INSRR: variants seen among roughly 807,000 people sequenced by gnomAD.
INSRR encodes insulin receptor related receptor, also known as insulin receptor-related protein.
INSRR carries 114 observed loss-of-function variants against 130.0 expected under a neutral mutation model. That is an observed-to-expected ratio of 0.88 (90% confidence interval 0.75 to 1.02). The LOEUF is 1.02. Ranked by LOEUF, INSRR falls within the 50% of genes least tolerant of loss-of-function variation. INSRR has a pLI of 0.00. For missense variants in INSRR, 1,657 were observed against 1,735.2 expected, an observed-to-expected ratio of 0.95 and a Z score of 0.80; for synonymous variants, 674 against 705.2, an observed-to-expected ratio of 0.96 and a Z score of 0.70.
Position 156,840,955 on chromosome 1 carries a change from G to A in INSRR, c.3812C>T (p.Ser1271Phe), listed in dbSNP as rs374155767. ...YSPECRGARGSLPTTDAEPDS... is the reference protein window; with the variant it reads ...YSPECRGARGFLPTTDAEPDS... ...AGGCTCTGCATCGGTGGTAGGCAGG[G>A]AGCCCCGGGCCCCCCGGCATTCCGG... is the stretch of plus-strand genomic sequence containing the variant. Residue 1271 changes from serine to phenylalanine, a missense_variant, in exon 22 of 22, where the codon TCC becomes TTC. Coordinates refer to ENST00000368195, the MANE Select transcript of INSRR (RefSeq NM_014215.3). 4 of 1,614,020 alleles carry A rather than the reference G, an allele frequency of 2.5e-6. No individual in the cohort carries two copies. In the Admixed American group the frequency reaches 6.7e-5, roughly 27 times the overall value.
rs762149048 is a variant in INSRR, at chr1:156,846,518, C to A, written c.1810+1G>T. On this transcript the variant is annotated splice_donor_variant, in intron 8 of 21. Coordinates refer to ENST00000368195, the MANE Select transcript of INSRR (RefSeq NM_014215.3). LOFTEE classifies it high-confidence loss of function. Reference sequence around the variant, plus strand: ...GACTCTTGCACCCTCCAAATGCCTACCTGCAGGCAGCGTTCGGAGGTAGAC... The same window carrying A: ...GACTCTTGCACCCTCCAAATGCCTAACTGCAGGCAGCGTTCGGAGGTAGAC... 6.2e-7 allele frequency: 1 copy of A among 1,612,516 alleles called. No individual in the cohort carries two copies. Among genetic ancestry groups the A allele is most frequent in the African/African-American group, 1.3e-5 (1 of 74,910 alleles).
intron 12 of INSRR, 59 bp downstream of exon 12, chr1:156,845,017 T>G: frequency 6.4e-7 from 1 of 1,553,360 alleles, no homozygotes. Context: ...CCCCAAACCT[T>G]TGCACAGGGT....
Position 156,845,830 on chromosome 1 carries a change from G to T in INSRR, c.1979-16C>A. 1 of 1,610,332 alleles carries T rather than the reference G, an allele frequency of 6.2e-7. No individual in the cohort carries two copies. Among genetic ancestry groups the T allele is most frequent in the Non-Finnish European group, 8.5e-7 (1 of 1,179,016 alleles). ...AGCCGCAAGCCTGGCGCCGCAGCGGGAAGACACTAGTAAGACAGGCGGTCT... is the reference window on the plus strand; with the variant it reads ...AGCCGCAAGCCTGGCGCCGCAGCGGTAAGACACTAGTAAGACAGGCGGTCT... On this transcript the variant is annotated splice_polypyrimidine_tract_variant and intron_variant, in intron 9 of 21. Transcript: ENST00000368195.
intron 9 of INSRR, 57 bp downstream of exon 9, chr1:156,845,895 C>G: frequency 6.3e-7 from 1 of 1,598,718 alleles, no homozygotes; most frequent in Non-Finnish European, 8.5e-7. Flanking sequence ...GGCCCTGCGC[C>G]TCCATCTCCC....
rs1654762860 is a variant in INSRR, at chr1:156,841,091, T to G, written c.3676A>C (p.Ser1226Arg). Residue 1226 changes from serine (S) to arginine (R), a missense_variant, in exon 22 of 22, where the codon AGC becomes CGC. Physicochemically the swap from Ser to Arg is moderately radical, Grantham distance 110 (BLOSUM62 -1). Coordinates refer to ENST00000368195, the MANE Select transcript of INSRR (RefSeq NM_014215.3). ...GCPLQLQELM[S>R]RCWQPNPRLR... ...CGTGGGTTCGGCTGCCAGCAGCGGC[T>G]CATCAGCTCCTGCCTGGTGGGTGTG... 6.4e-7 allele frequency: 1 copy of G among 1,561,872 alleles called. No homozygotes were observed. Among genetic ancestry groups the G allele is most frequent in the Non-Finnish European group, 8.7e-7 (1 of 1,152,872 alleles).
At chr1:156,849,513 G>GGGGGGGGGGC in intron 5 of INSRR, 53 bp from the exon 6 acceptor site, 3 of 486,116 alleles carry the variant, frequency 6.2e-6, no homozygotes, top group Admixed American at 2.2e-5. Flanking sequence ...CAGGGGGTGG[G>GGGGGGGGGGC]AAAGGGGATG....
In INSRR at chr1:156,841,420, C is replaced by T; in HGVS notation, c.3636G>A (p.Glu1212=). 1 of 1,613,938 alleles carries T rather than the reference C, an allele frequency of 6.2e-7. No individual in the cohort carries two copies. Among genetic ancestry groups the T allele is most frequent in the Non-Finnish European group, 8.5e-7 (1 of 1,179,918 alleles). Residue 1212 remains glutamate (E), a synonymous_variant, in exon 21 of 22, where the codon GAG becomes GAA. Coordinates refer to ENST00000368195, the MANE Select transcript of INSRR (RefSeq NM_014215.3). ...GCTGAAGGGGACAGCCCTCCAGCTC[C>T]TCCAGGACCCCGCCATCCATGACGA... ...LKFVMDGGVL[E]ELEGCPLQLQ...
rs778760327 is a variant in INSRR at position 156,854,110 on chromosome 1, G to T, written c.279C>A (p.Ser93Arg). 1.2e-6 allele frequency: 2 copies of T among 1,614,132 alleles called. No individual in the cohort carries two copies. The highest frequency in any genetic ancestry group is 4.5e-5 in the East Asian group (2 of 44,886). ...LLLFRVYGLE[S>R]LRDLFPNLAV... ...CTAGGTTGGGGAAGAGGTCGCGCAG[G>T]CTCTCCAGTCCGTAGACACGGAAGA... Residue 93 changes from serine (S) to arginine (R), a missense_variant, in exon 2 of 22, where the codon AGC becomes AGA. Ser to Arg is a moderately radical substitution (Grantham distance 110). Coordinates refer to ENST00000368195, the MANE Select transcript of INSRR (RefSeq NM_014215.3). The surrounding 1 kb of genome is among the most constrained non-coding windows in gnomAD (Gnocchi z 4.2).
chr1:156,841,734 A>T lies in INSRR; in HGVS notation c.3458T>A (p.Leu1153Gln). The T allele has an allele frequency of 6.2e-7, 1 of 1,614,170 alleles. No individual in the cohort carries two copies. The highest frequency in any genetic ancestry group is 1.1e-5 in the South Asian group (1 of 91,080). The change falls in exon 20 of 22, where the codon CTG becomes CAG. Residue 1153 changes from leucine (L) to glutamine (Q), a missense_variant. Transcript: ENST00000368195. ...GGGGGCCATCCAGCGCACGGGCAGC[A>T]GCCCCTTCCCACCCTTGCGGTAATA... is the stretch of plus-strand genomic sequence containing the variant. The part of the protein sequence containing the change: ...TDYYRKGGKG[L>Q]LPVRWMAPES...
Position 156,840,822 on chromosome 1 carries a change from G to A in INSRR, c.*51C>T, listed in dbSNP as rs192806798. 397 of 1,398,446 alleles carry A rather than the reference G, an allele frequency of 2.8e-4. No homozygotes were observed. Among genetic ancestry groups the A allele is most frequent in the East Asian group, 2.4e-3 (104 of 42,746 alleles). 86.6% of individuals were successfully genotyped at this position (1,398,446 alleles called of 1,614,324 possible). A position where few individuals can be genotyped will look rare whatever the true frequency, so the allele number is the denominator to read the frequency against. ...TTCAGGCGTCTCAGCCACAGAGGTC[G>A]GGTCCCTTCCTGTCTCCCCATGGGA... On this transcript the variant is annotated 3_prime_UTR_variant, in exon 22 of 22. Coordinates refer to ENST00000368195, the MANE Select transcript of INSRR (RefSeq NM_014215.3).
At chr1:156,842,741 A>G (rs1470817836) in intron 17 of INSRR, among the ~76,000 whole-genome samples, 1 of 152,130 alleles carries the variant, frequency 6.6e-6, no homozygotes, top group African/African-American at 2.4e-5. Flanking sequence ...CTTGAGCCCA[A>G]TCAGGACTCT....
chr1:156,855,603 G>A (rs1271470662), intron 1 of INSRR, among the ~76,000 whole-genome samples: 1 of 152,084 alleles, frequency 6.6e-6, no homozygotes, highest in Non-Finnish European at 1.5e-5. Context: ...TGGGAAGATT[G>A]CTTGAGCCTA....
chr1:156,843,587 C>G, intron 15 of INSRR, 108 bp from the exon 16 acceptor site: 1 of 1,160,502 alleles, frequency 8.6e-7, no homozygotes, highest in Non-Finnish European at 1.3e-6. Context: ...TTACTGACCA[C>G]ACCCCCAGCC....
At chr1:156,849,553 C>T (rs1571666796) in intron 5 of INSRR, 93 bp from the exon 6 acceptor site, 2 of 962,922 alleles carry the variant, frequency 2.1e-6, no homozygotes, top group East Asian at 5.2e-5. Flanking sequence ...AAGGGTTTTG[C>T]TGGGCCCGGG....
chr1:156,855,573 A>C (rs1168600855), intron 1 of INSRR, among the ~76,000 whole-genome samples: 1 of 152,002 alleles, frequency 6.6e-6, no homozygotes, highest in Non-Finnish European at 1.5e-5. Flanking sequence ...CTGTAATTCC[A>C]GCACTTTGGG....
Position 156,853,737 on chromosome 1 carries a change from T to C in INSRR, c.637+15A>G. On this transcript the variant is annotated intron_variant, in intron 2 of 21. Coordinates refer to ENST00000368195, the MANE Select transcript of INSRR (RefSeq NM_014215.3). Reference sequence around the variant, plus strand: ...CTCTCCCTTCCCTACATTCATGTTCTGTGCCAGTGCCCACCTCTCTGGCAG... The same window carrying C: ...CTCTCCCTTCCCTACATTCATGTTCCGTGCCAGTGCCCACCTCTCTGGCAG... The C allele has an allele frequency of 6.3e-7, 1 of 1,585,826 alleles. No homozygotes were observed.
chr1:156,846,147 G>T, intron 8 of INSRR, 28 bp from the exon 9 acceptor site: 1 of 1,554,048 alleles, frequency 6.4e-7, no homozygotes. Context: ...ATGCAACTCA[G>T]GGGTGTGGGT....
chr1:156,843,823 G>A (rs1229239855), intron 15 of INSRR, among the ~76,000 whole-genome samples: 2 of 152,222 alleles, frequency 1.3e-5, no homozygotes, highest in African/African-American at 2.4e-5. Context: ...CAGGCCTCCT[G>A]CTTCTTCTCC....
At chr1:156,852,639 G>T (rs562802418) in intron 2 of INSRR, among the ~76,000 whole-genome samples, 1 of 152,160 alleles carries the variant, frequency 6.6e-6, no homozygotes, top group African/African-American at 2.4e-5. Flanking sequence ...TGCCCATACC[G>T]CCCCCACCTC....
Sources: allele counts gnomAD v4.1 joint callset (sites outside exome capture counted in the v4.1 genomes callset), GRCh38; gene constraint gnomAD v4.1.1; non-coding constraint Gnocchi (gnomAD v3.1); transcripts MANE v1.5; gene names NCBI Gene and HGNC (gene_info 2026-07-23, HGNC 2026-07-21).